The following MBD1 variants were observed in gnomAD, a reference collection of about 807,000 sequenced individuals.
The protein encoded by MBD1 is methyl-CpG binding domain protein 1.
MBD1 carries 25 observed loss-of-function variants against 82.6 expected under a neutral mutation model. The observed-to-expected ratio is 0.30, with a 90% CI of 0.22 to 0.42. The LOEUF (loss-of-function observed/expected upper bound fraction) is 0.42. Among genes scored for constraint, MBD1 ranks in the 10% least tolerant of loss-of-function variants. MBD1 has a pLI of 1.00. For synonymous variants in MBD1, 301 were observed against 303.7 expected (o/e 0.99, Z 0.09); for missense variants, 627 against 819.6 (o/e 0.76, Z 2.87).
In MBD1 at chr18:50,275,168, A is replaced by T. The variant is rs1273914883; in HGVS notation, c.870T>A (p.Pro290=). ...CTGGGGACTGTGATGGGGGTGGTGG[A>T]GGCAGTGGCTGGGCTCCGGGGCGCC... ...ARRRPGAQPL[P]PPPPSQSPEP... Residue 290 remains proline, a synonymous_variant, in exon 9 of 17, where the codon CCT becomes CCA. Transcript: ENST00000269468. 2 of 1,613,982 alleles carry T rather than the reference A, an allele frequency of 1.2e-6. No individual in the cohort carries two copies. The highest frequency in any genetic ancestry group is 1.1e-5 in the South Asian group (1 of 91,072).
chr18:50,273,770 G>T lies in MBD1; in HGVS notation c.1240C>A (p.Arg414=), dbSNP rs753082327. ...TTCAAGGTAGGGCCAAGATGGTGCCGTCGGGCAGAGCTGGGCCTCTTTCGA... is the reference window on the plus strand; with the variant it reads ...TTCAAGGTAGGGCCAAGATGGTGCCTTCGGGCAGAGCTGGGCCTCTTTCGA... ...RRRKRPSSAR[R]HHLGPTLKPT... The change falls in exon 12 of 17, where the codon CGG becomes AGG. Residue 414 remains arginine (R), a synonymous_variant. Coordinates refer to ENST00000269468, the MANE Select transcript of MBD1 (RefSeq NM_015846.4). 1.2e-6 allele frequency: 2 copies of T among 1,614,094 alleles called. No individual in the cohort carries two copies. The highest frequency in any genetic ancestry group is 1.7e-6 in the Non-Finnish European group (2 of 1,180,034).
At chr18:50,276,282 A>C in intron 6 of MBD1, 96 bp downstream of exon 6, 1 of 1,294,090 alleles carries the variant, frequency 7.7e-7, no homozygotes, top group Non-Finnish European at 1.1e-6. Context: ...ATGACTCTTC[A>C]TCCTGTGGAC....
At chr18:50,272,196 G>A (rs549499392) in intron 15 of MBD1, among the ~76,000 whole-genome samples, 25 of 152,110 alleles carry the variant, frequency 1.6e-4, no homozygotes, top group Admixed American at 3.9e-4. Flanking sequence ...AGCCAGCTCG[G>A]AACCCAGATC....
intron 15 of MBD1, chr18:50,272,367 C>G (rs1457545576): frequency 7.1e-6 from 3 of 423,278 alleles, no homozygotes; most frequent in South Asian, 2.2e-5. Flanking sequence ...TAAAGCTGAC[C>G]CCTATAGAAA....
rs774596212 is a variant in MBD1 at position 50,274,983 on chromosome 18, G to A, written c.972C>T (p.Asp324=). 5.6e-6 allele frequency: 9 copies of A among 1,611,288 alleles called. No homozygotes were observed. In the Admixed American group the frequency reaches 6.7e-5, roughly 12 times the overall value. Residue 324 remains aspartate, a synonymous_variant, in exon 10 of 17, where the codon GAC becomes GAT. Transcript: ENST00000269468. ...AEFIYYCVDE[D]ELQPYTNRRQ... ...GTAGGGTGGGGCCACTCACTAGCTC[G>A]TCCTCGTCTACACAGTAATAGATGA...
intron 5 of MBD1, 60 bp from the exon 6 acceptor site, chr18:50,276,478 C>CT (rs1292985118): frequency 9.6e-6 from 15 of 1,555,282 alleles, no homozygotes; most frequent in African/African-American, 1.4e-5. Flanking sequence ...TCTGACTTCA[C>CT]TCACTGCCTG....
chr18:50,275,642 A>T lies in MBD1; in HGVS notation c.750T>A (p.Gly250=). 6.2e-7 allele frequency: 1 copy of T among 1,614,120 alleles called. No individual in the cohort carries two copies. Among genetic ancestry groups the T allele is most frequent in the Non-Finnish European group, 8.5e-7 (1 of 1,180,010 alleles). The change falls in exon 8 of 17, where the codon GGT becomes GGA. Residue 250 remains glycine (G), a synonymous_variant. Coordinates refer to ENST00000269468, the MANE Select transcript of MBD1 (RefSeq NM_015846.4). ...GGACACATTTCCACTGGCGCCTGAGACCAGGGCGGGGAGGGCGAAGGCAGA... is the reference window on the plus strand; with the variant it reads ...GGACACATTTCCACTGGCGCCTGAGTCCAGGGCGGGGAGGGCGAAGGCAGA... ...CPICLRPPRP[G]LRRQWKCVQR...
At position 50,272,669 on chromosome 18, in the gene MBD1, G is replaced by C. The variant is rs1325290133; in HGVS notation, c.1778+8C>G. On this transcript the variant is annotated splice_region_variant and intron_variant, in intron 15 of 16. Coordinates refer to ENST00000269468, the MANE Select transcript of MBD1 (RefSeq NM_015846.4). ...CTCCTTCCCCACCCCTCACTGTGTG[G>C]GGCACACCTTGGCAACCAGACTGCT... The C allele has an allele frequency of 2.5e-6, 4 of 1,614,094 alleles. No individual in the cohort carries two copies. The highest frequency in any genetic ancestry group is 3.4e-6 in the Non-Finnish European group (4 of 1,179,982).
chr18:50,269,310 G>A lies in MBD1; in HGVS notation c.*541C>T, dbSNP rs1296405563. 11 of 1,254,048 alleles carry A rather than the reference G, an allele frequency of 8.8e-6. No homozygotes were observed. The highest frequency in any genetic ancestry group is 7.1e-5 in the Admixed American group (2 of 28,328). 77.7% of individuals were successfully genotyped at this position (1,254,048 alleles called of 1,614,324 possible). A position where few individuals can be genotyped will look rare whatever the true frequency, so the allele number is the denominator to read the frequency against. On this transcript the variant is annotated 3_prime_UTR_variant, in exon 17 of 17. Transcript: ENST00000269468. Reference sequence around the variant, plus strand: ...GGTGAGCAGTGAGACCCTTGGGAGCGGATTCATGGTAGGGTGGCTTTGTAA... The same window carrying A: ...GGTGAGCAGTGAGACCCTTGGGAGCAGATTCATGGTAGGGTGGCTTTGTAA...
rs746790409 is a variant in MBD1, at chr18:50,274,331, T to C, written c.1001A>G (p.Gln334Arg). Residue 334 changes from glutamine to arginine, a missense_variant, in exon 11 of 17, where the codon CAG (glutamine) becomes CGG (arginine). Transcript: ENST00000269468. Reference sequence around the variant, plus strand: ...TGCACAGGCCCCGCACTTGCGGTTCTGCCGGCGGTTCGTGTAGGGCTGCTG... The same window carrying C: ...TGCACAGGCCCCGCACTTGCGGTTCCGCCGGCGGTTCGTGTAGGGCTGCTG... Reference protein sequence around the residue: ...DELQPYTNRRQNRKCGACAAC... With the variant: ...DELQPYTNRRRNRKCGACAAC... The C allele has an allele frequency of 1.2e-6, 2 of 1,613,520 alleles. No individual in the cohort carries two copies. Among genetic ancestry groups the C allele is most frequent in the Non-Finnish European group, 1.7e-6 (2 of 1,179,888 alleles).
At position 50,277,183 on chromosome 18, in the gene MBD1, T is replaced by G. The variant is rs113452608; in HGVS notation, c.132A>C (p.Arg44=). The G allele has an allele frequency of 4.2e-5, 67 of 1,614,136 alleles. 1 individual carries two copies. The African/African-American group carries it at 6.9e-4, about 17-fold the overall frequency. ...GGTATCGAGTCAGCTCAACTTTGCT[T>G]CGGATCCTGTCTCCTGTGGGGCTAG... ...YYQSPTGDRI[R]SKVELTRYLG... The change falls in exon 3 of 17, where the codon CGA becomes CGC. Residue 44 remains arginine, a synonymous_variant. Coordinates refer to ENST00000269468, the MANE Select transcript of MBD1 (RefSeq NM_015846.4).
downstream of MBD1, chr18:50,267,411 T>TA: frequency 5.5e-6 from 3 of 547,420 alleles, no homozygotes; most frequent in Non-Finnish European, 9.8e-6. Context: ...AACCAGGGCT[T>TA]AGACTCAGGA....
At chr18:50,271,335 A>T in intron 16 of MBD1, 134 bp downstream of exon 16, 2 of 1,567,998 alleles carry the variant, frequency 1.3e-6, no homozygotes, top group Non-Finnish European at 1.7e-6. Context: ...AAGTACTCTT[A>T]GGCCTGCTCT....
chr18:50,273,397 G>C lies in MBD1; in HGVS notation c.1521C>G (p.Asp507Glu), dbSNP rs765756480. 5 of 1,614,194 alleles carry C rather than the reference G, an allele frequency of 3.1e-6. No individual in the cohort carries two copies. Among genetic ancestry groups the C allele is most frequent in the East Asian group, 2.2e-5 (1 of 44,882 alleles). ...QVKQEKADTQDEWTPGTAVLT... is the reference protein window; with the variant it reads ...QVKQEKADTQEEWTPGTAVLT... The stretch of plus-strand genomic sequence containing the variant: ...GGACAGCTGTGCCTGGTGTCCACTC[G>C]TCCTGGGTATCCGCCTTCTCTTGCT... Residue 507 changes from aspartate to glutamate, a missense_variant, in exon 13 of 17, where the codon GAC (aspartate) becomes GAG (glutamate). Transcript: ENST00000269468.
downstream of MBD1, chr18:50,267,688 T>C (rs1012052511): frequency 2.0e-6 from 3 of 1,504,430 alleles, no homozygotes; most frequent in African/African-American, 4.1e-5. Context: ...AGAATGACAC[T>C]GTGATACTCC....
In MBD1 at chr18:50,275,696, C is replaced by A; in HGVS notation, c.696G>T (p.Gln232His). The A allele has an allele frequency of 6.2e-7, 1 of 1,614,230 alleles. No individual in the cohort carries two copies. The highest frequency in any genetic ancestry group is 8.5e-7 in the Non-Finnish European group (1 of 1,180,034). Reference protein sequence around the residue: ...SRGCGVCRGCQTQEDCGHCPI... With the variant: ...SRGCGVCRGCHTQEDCGHCPI... ...GGCAATGGCCACAATCCTCTTGGGT[C>A]TGACAGCCCCGGCATACTCCACACC... is the stretch of plus-strand genomic sequence containing the variant. Residue 232 changes from glutamine (Q) to histidine (H), a missense_variant, in exon 8 of 17, where the codon CAG (glutamine) becomes CAT (histidine). Transcript: ENST00000269468.
At chr18:50,281,222 C>T in intron 1 of MBD1, 141 bp downstream of exon 1, 1 of 1,535,190 alleles carries the variant, frequency 6.5e-7, no homozygotes, top group Non-Finnish European at 8.7e-7. Context: ...CCCATTTCTC[C>T]TCGTCAGTAT....
At position 50,280,971 on chromosome 18, in the gene MBD1, C is replaced by A. The variant is rs188066760; in HGVS notation, c.-26+392G>T. Among the ~76,000 whole-genome samples the A allele has an allele frequency of 2.6e-5, 4 of 152,054 alleles. No homozygotes were observed. The East Asian group carries it at 7.7e-4, about 29-fold the overall frequency. On this transcript the variant is annotated intron_variant, in intron 1 of 16. Transcript: ENST00000269468. ...ACTGCTCCTCGTCCTCTATATGGGGCCTCCTATTCCTCCCTTTCAGCATTC... is the reference window on the plus strand; with the variant it reads ...ACTGCTCCTCGTCCTCTATATGGGGACTCCTATTCCTCCCTTTCAGCATTC...
chr18:50,273,701 C>T lies in MBD1; in HGVS notation c.1309G>A (p.Ala437Thr), dbSNP rs778208215. The T allele has an allele frequency of 6.2e-7, 1 of 1,614,130 alleles. No homozygotes were observed. The highest frequency in any genetic ancestry group is 1.1e-5 in the South Asian group (1 of 91,088). The change falls in exon 12 of 17, where the codon GCT (alanine) becomes ACT (threonine). Residue 437 changes from alanine to threonine, a missense_variant. This residue lies in a region of MBD1 where 265 missense variants were observed against 278.4 expected (regional missense o/e 0.95). Transcript: ENST00000269468. Reference protein sequence around the residue: ...TRTAQPDHTQAPTKQEAGGGF... With the variant: ...TRTAQPDHTQTPTKQEAGGGF... ...CCACCTGCTTCCTGCTTCGTTGGAG[C>T]CTGGGTATGGTCTGGTTGGGCTGTG...
Sources: allele counts gnomAD v4.1 joint callset (sites outside exome capture counted in the v4.1 genomes callset), GRCh38; gene constraint gnomAD v4.1.1; regional missense constraint gnomAD v4.1.1; transcripts MANE v1.5; gene names NCBI Gene and HGNC (gene_info 2026-07-23, HGNC 2026-07-21).